The following ATP6AP2 variants were observed in gnomAD, a reference collection of about 807,000 sequenced individuals.
The protein encoded by ATP6AP2 is renin receptor.
Under a neutral mutation model 23.4 loss-of-function variants are expected in ATP6AP2, and 1 was observed. That is an observed-to-expected ratio of 0.04 (90% CI 0.02 to 0.20). The LOEUF (loss-of-function observed/expected upper bound fraction) is 0.20. ATP6AP2 is among the 10% of genes least tolerant of loss of function. The pLI, the probability that ATP6AP2 is intolerant of heterozygous loss-of-function variation, is 1.00. For synonymous variants in ATP6AP2, 90 were observed against 97.1 expected, an observed-to-expected ratio of 0.93 and a Z score of 0.43; for missense variants, 174 against 271.3, an observed-to-expected ratio of 0.64 and a Z score of 2.52.
chrX:40,588,899 T>C, intron 1 of ATP6AP2, 87 bp from the exon 2 acceptor site: 1 of 1,037,095 alleles, frequency 9.6e-7, no homozygotes, highest in Non-Finnish European at 1.3e-6. Flanking sequence ...CAGTGGTGAA[T>C]GGGGAAACAT....
intron 6 of ATP6AP2, 174 bp from the exon 7 acceptor site, chrX:40,599,418 C>A: frequency 2.0e-6 from 1 of 507,995 alleles, no homozygotes; most frequent in Non-Finnish European, 3.3e-6. Flanking sequence ...TTATCAGAAA[C>A]GCTTATTCAA....
At chrX:40,584,566 C>T (rs1483977108) in intron 1 of ATP6AP2, among the ~76,000 whole-genome samples, 1 of 110,179 alleles carries the variant, frequency 9.1e-6, no homozygotes, top group Non-Finnish European at 1.9e-5. Context: ...CTGCAAGCTC[C>T]ACCTTCCGGG....
intron 5 of ATP6AP2, 86 bp from the exon 6 acceptor site, chrX:40,598,595 T>C: frequency 1.2e-6 from 1 of 864,481 alleles, no homozygotes; most frequent in Non-Finnish European, 1.7e-6. Flanking sequence ...ACATTTGTAA[T>C]ATCCTGTGCC....
intron 3 of ATP6AP2, chrX:40,596,995 A>C: frequency 1.2e-5 from 4 of 341,795 alleles, no homozygotes; most frequent in East Asian, 5.2e-5. Context: ...GGTTTGTGCT[A>C]GATATAGTGT....
chrX:40,597,554 T>G lies in ATP6AP2; in HGVS notation c.424T>G (p.Ser142Ala). 1 of 1,211,103 alleles carries G rather than the reference T, an allele frequency of 8.3e-7. No homozygotes were observed. The change falls in exon 5 of 9, where the codon TCA becomes GCA. Residue 142 changes from serine to alanine, a missense_variant. Physicochemically the swap from Ser to Ala is moderately conservative, Grantham distance 99. Transcript: ENST00000636580. ...AGTGTATATGGTAGGGAAGGCAAACTCAGTGTTTGAAGACCTTTCAGTCAC... is the reference window on the plus strand; with the variant it reads ...AGTGTATATGGTAGGGAAGGCAAACGCAGTGTTTGAAGACCTTTCAGTCAC... The part of the protein sequence containing the change: ...ERVYMVGKAN[S>A]VFEDLSVTLR...
chrX:40,596,914 C>T (rs962200004), intron 3 of ATP6AP2: 1 of 173,090 alleles, frequency 5.8e-6, no homozygotes, highest in African/African-American at 3.0e-5. Flanking sequence ...ATGCATTCAT[C>T]GTGGCACATT....
At chrX:40,591,470 T>G (rs1449044714) in intron 3 of ATP6AP2, 105 bp downstream of exon 3, 2 of 936,563 alleles carry the variant, frequency 2.1e-6, no homozygotes, top group East Asian at 6.8e-5. Flanking sequence ...CTGTTTTTGA[T>G]GCACAGTTTC....
chrX:40,600,730 G>T, intron 7 of ATP6AP2, 32 bp from the exon 8 acceptor site: 1 of 1,182,130 alleles, frequency 8.5e-7, no homozygotes, highest in Non-Finnish European at 1.1e-6. Flanking sequence ...ACATAGTTGA[G>T]ATTCCCAATA....
chrX:40,603,346 C>T (rs1439655036), intron 8 of ATP6AP2: 1 of 54,856 alleles, frequency 1.8e-5, no homozygotes, highest in African/African-American at 7.5e-5. Flanking sequence ...GGAAAAAGAA[C>T]ATGTTTATCA....
chrX:40,601,657 C>G (rs1333485421), intron 8 of ATP6AP2, among the ~76,000 whole-genome samples: 1 of 110,932 alleles, frequency 9.0e-6, no homozygotes, highest in African/African-American at 3.3e-5. Context: ...TCCCTAACAT[C>G]CTACGTCTGA....
At chrX:40,594,946 AAAGAAAGCGG>A (rs1447046599) in intron 3 of ATP6AP2, among the ~76,000 whole-genome samples, 6 of 112,212 alleles carry the variant, frequency 5.3e-5, no homozygotes, top group African/African-American at 1.9e-4. Context: ...TTAATGAGCT[AAAGAAAGCGG>A]AAGAACTTCA....
Position 40,593,610 on chromosome X carries a change from G to T in ATP6AP2, c.300+2245G>T, listed in dbSNP as rs150393421. ...CAACTTCTGCCTCCTGGGTTCAAGGGATTCTGGTGTCTCAGCCTCCTGAGT... is the reference window on the plus strand; with the variant it reads ...CAACTTCTGCCTCCTGGGTTCAAGGTATTCTGGTGTCTCAGCCTCCTGAGT... On this transcript the variant is annotated intron_variant, in intron 3 of 8. Transcript: ENST00000636580. Among the ~76,000 whole-genome samples the T allele has an allele frequency of 3.6e-5, 4 of 110,444 alleles. 1 individual carries two copies. The South Asian group carries it at 1.6e-3, about 43-fold the overall frequency.
rs73623102 is a variant in ATP6AP2 at position 40,603,653 on chromosome X, C to T, written c.859-1908C>T. On this transcript the variant is annotated intron_variant, in intron 8 of 8. Coordinates refer to ENST00000636580, the MANE Select transcript of ATP6AP2 (RefSeq NM_005765.3). ...CATTTCTCCCACCTCATTTGACTGC[C>T]GCCTCCTAACTTGTCTGAACTCATC... 9.8e-4 allele frequency among the ~76,000 whole-genome samples: 110 copies of T among 111,918 alleles called. 1 individual carries two copies. Among genetic ancestry groups the T allele is most frequent in the African/African-American group, 3.5e-3 (107 of 30,856 alleles).
At chrX:40,604,556 C>T (rs745410169) in intron 8 of ATP6AP2, among the ~76,000 whole-genome samples, 1 of 111,588 alleles carries the variant, frequency 9.0e-6, no homozygotes, top group East Asian at 2.8e-4. Flanking sequence ...GATTACAAAT[C>T]GAGATGAGAT....
chrX:40,588,870 A>G, intron 1 of ATP6AP2, 116 bp from the exon 2 acceptor site: 1 of 847,331 alleles, frequency 1.2e-6, no homozygotes. Context: ...TTGACCAGTC[A>G]TAATTTAATA....
At chrX:40,599,863 T>A in intron 7 of ATP6AP2, 122 bp downstream of exon 7, 1 of 888,428 alleles carries the variant, frequency 1.1e-6, no homozygotes, top group Non-Finnish European at 1.6e-6. Flanking sequence ...TTGGGGCTCC[T>A]CTAATTATAC....
Position 40,599,713 on chromosome X carries a change from C to G in ATP6AP2, c.710C>G (p.Ser237Cys), listed in dbSNP as rs1296739957. 1 of 1,209,705 alleles carries G rather than the reference C, an allele frequency of 8.3e-7. No homozygotes were observed. Among genetic ancestry groups the G allele is most frequent in the Non-Finnish European group, 1.1e-6 (1 of 895,162 alleles). Residue 237 changes from serine to cysteine, a missense_variant, in exon 7 of 9, where the codon TCT (serine) becomes TGT (cysteine). Coordinates refer to ENST00000636580, the MANE Select transcript of ATP6AP2 (RefSeq NM_005765.3). ...GACTCTGAACAATTCAGAGATGCTTCTAAGATCCTTGTTGACGCTCTGCAA... is the reference window on the plus strand; with the variant it reads ...GACTCTGAACAATTCAGAGATGCTTGTAAGATCCTTGTTGACGCTCTGCAA... ...GEDSEQFRDA[S>C]KILVDALQKF... is the part of the protein sequence containing the mutation.
At chrX:40,604,283 C>T (rs895660931) in intron 8 of ATP6AP2, among the ~76,000 whole-genome samples, 13 of 111,513 alleles carry the variant, frequency 1.2e-4, no homozygotes, top group Admixed American at 2.9e-4. Context: ...TAAAGAGCTA[C>T]CTGACACTGG....
chrX:40,594,600 G>C lies in ATP6AP2; in HGVS notation c.301-2649G>C, dbSNP rs548244119. On this transcript the variant is annotated intron_variant, in intron 3 of 8. Transcript: ENST00000636580. ...GCGCATGGATGGGGCAGTGGTTGGTGATGTGAGAGAGCTAAAGCCTCATTT... is the reference window on the plus strand; with the variant it reads ...GCGCATGGATGGGGCAGTGGTTGGTCATGTGAGAGAGCTAAAGCCTCATTT... Among the ~76,000 whole-genome samples the C allele has an allele frequency of 2.7e-5, 3 of 112,736 alleles. No individual in the cohort carries two copies. In the South Asian group the frequency reaches 1.1e-3, roughly 41 times the overall value.
Sources: gnomAD v4.1 joint callset for allele counts (sites outside exome capture counted in the v4.1 genomes callset) on GRCh38, gnomAD v4.1.1 for gene constraint, MANE v1.5 for transcripts, NCBI Gene and HGNC (gene_info 2026-07-23, HGNC 2026-07-21) for gene names.